Variants in AGAP1 observed in about 807,000 individuals in gnomAD.
The protein encoded by AGAP1 is arf-GAP with GTPase, ANK repeat and PH domain-containing protein 1.
A neutral mutation model predicts 105.3 loss-of-function variants in AGAP1; 29 were observed. That is an observed-to-expected ratio of 0.28 (90% CI 0.21 to 0.38). The LOEUF (loss-of-function observed/expected upper bound fraction) is 0.38. Ranked by LOEUF, AGAP1 falls within the 10% of genes least tolerant of loss-of-function variation. The probability of loss-of-function intolerance (pLI) is 1.00; values close to 1 mark genes in which losing one functional copy is unlikely to be tolerated. For synonymous variants in AGAP1, 509 were observed against 485.9 expected (o/e 1.05, Z -0.63); for missense variants, 998 against 1,165.1 (o/e 0.86, Z 2.09).
intron 1 of AGAP1, among the ~76,000 whole-genome samples, chr2:235,497,787 G>C (rs761846251): frequency 1.3e-5 from 2 of 152,110 alleles, no homozygotes; most frequent in African/African-American, 4.8e-5. Flanking sequence ...TAGTAGAGAC[G>C]GGGTTTCATT....
In AGAP1 at chr2:235,936,350, A is replaced by G. The variant is rs1017636879; in HGVS notation, c.1483+5427A>G. 5.9e-5 allele frequency among the ~76,000 whole-genome samples: 9 copies of G among 152,172 alleles called. No individual in the cohort carries two copies. Among genetic ancestry groups the G allele is most frequent in the Non-Finnish European group, 1.0e-4 (7 of 68,032 alleles). ...GGTCCCTGTTTCCTTCTGGCCACGT[A>G]ATCATTATATCTTTCCAGTAGACTC... On this transcript the variant is annotated intron_variant, in intron 12 of 17. Transcript: ENST00000304032. This position sits in a 1 kb window ranked among gnomAD's most constrained non-coding sequence, Gnocchi z 4.7.
intron 1 of AGAP1, among the ~76,000 whole-genome samples, chr2:235,514,782 G>A (rs1942310848): frequency 6.6e-6 from 1 of 152,260 alleles, no homozygotes; most frequent in African/African-American, 2.4e-5. Flanking sequence ...TCTCATCCAG[G>A]ACTGGACACG....
rs757923393 is a variant in AGAP1 at position 235,879,324 on chromosome 2, C to T, written c.1051-4021C>T. The stretch of plus-strand genomic sequence containing the variant: ...TAGACCACAGCCATGACATGGCAAG[C>T]GGGGCAGCCAAGTGGCTCTTGGTCG... On this transcript the variant is annotated intron_variant, in intron 9 of 17. Transcript: ENST00000304032. The surrounding 1 kb of genome is among the most constrained non-coding windows in gnomAD (Gnocchi z 5.0). Among the ~76,000 whole-genome samples the T allele has an allele frequency of 2.6e-5, 4 of 152,276 alleles. No homozygotes were observed. Among genetic ancestry groups the T allele is most frequent in the South Asian group, 2.1e-4 (1 of 4,812 alleles).
At chr2:236,033,155 G>A (rs893816667) in intron 13 of AGAP1, among the ~76,000 whole-genome samples, 1 of 152,168 alleles carries the variant, frequency 6.6e-6, no homozygotes, top group African/African-American at 2.4e-5. Flanking sequence ...TGAGGCAGGA[G>A]AATCGCTTGA....
chr2:235,848,107 C>CT lies in AGAP1; in HGVS notation c.1051-35237dup, dbSNP rs1961725652. Among the ~76,000 whole-genome samples the CT allele has an allele frequency of 2.6e-5, 4 of 152,328 alleles. No homozygotes were observed. In the South Asian group the frequency reaches 8.3e-4, roughly 32 times the overall value. On this transcript the variant is annotated intron_variant, in intron 9 of 17. Coordinates refer to ENST00000304032, the MANE Select transcript of AGAP1 (RefSeq NM_001037131.3). ...GGGAGTATCCCACCGGTTACACTCTCTGTCACTCGCCATCATCCTGAGGAT... is the reference window on the plus strand; with the variant it reads ...GGGAGTATCCCACCGGTTACACTCTCTTGTCACTCGCCATCATCCTGAGGAT...
At chr2:236,086,039 C>T (rs188912115) in intron 16 of AGAP1, among the ~76,000 whole-genome samples, 1 of 152,350 alleles carries the variant, frequency 6.6e-6, no homozygotes, top group Admixed American at 6.5e-5. Context: ...TTTAAAGCTG[C>T]CCTGATCTTC....
chr2:235,904,565 G>A lies in AGAP1; in HGVS notation c.1156-4173G>A, dbSNP rs1487687892. 6.6e-6 allele frequency among the ~76,000 whole-genome samples: 1 copy of A among 152,130 alleles called. No individual in the cohort carries two copies. Among genetic ancestry groups the A allele is most frequent in the Non-Finnish European group, 1.5e-5 (1 of 68,032 alleles). On this transcript the variant is annotated intron_variant, in intron 10 of 17. Transcript: ENST00000304032. The surrounding 1 kb of genome is among the most constrained non-coding windows in gnomAD (Gnocchi z 4.2). ...GTTTTTCCTCTTTTATCTTCGATCA[G>A]CATTTTCAACAAGGAACATGGAGAA...
chr2:235,554,574 G>A (rs1330378513), intron 1 of AGAP1, among the ~76,000 whole-genome samples: 1 of 152,236 alleles, frequency 6.6e-6, no homozygotes, highest in Non-Finnish European at 1.5e-5. Flanking sequence ...CCATTTACAC[G>A]CCTGTGGTTG....
Position 235,733,241 on chromosome 2 carries a change from C to T in AGAP1, c.311-7722C>T, listed in dbSNP as rs566239378. On this transcript the variant is annotated intron_variant, in intron 3 of 17. Transcript: ENST00000304032. This position sits in a 1 kb window ranked among gnomAD's most constrained non-coding sequence, Gnocchi z 5.0. Reference sequence around the variant, plus strand: ...GCAACACGGGCATCTTCTTTGCCTCCGGAGAGCCTTTGCCGGCCATTCACT... The same window carrying T: ...GCAACACGGGCATCTTCTTTGCCTCTGGAGAGCCTTTGCCGGCCATTCACT... Among the ~76,000 whole-genome samples, 14 of 152,290 alleles carry T rather than the reference C, an allele frequency of 9.2e-5. No individual in the cohort carries two copies. The South Asian group carries it at 1.2e-3, about 14-fold the overall frequency.
chr2:236,085,381 C>T (rs1332296995), intron 16 of AGAP1, among the ~76,000 whole-genome samples: 1 of 152,276 alleles, frequency 6.6e-6, no homozygotes, highest in African/African-American at 2.4e-5. Flanking sequence ...TCTCCCCAGC[C>T]GCCTGGAGGA....
Position 235,719,746 on chromosome 2 carries a change from C to A in AGAP1, c.310+2102C>A, listed in dbSNP as rs1369512446. Among the ~76,000 whole-genome samples the A allele has an allele frequency of 6.6e-6, 1 of 152,192 alleles. No homozygotes were observed. Among genetic ancestry groups the A allele is most frequent in the Non-Finnish European group, 1.5e-5 (1 of 68,046 alleles). On this transcript the variant is annotated intron_variant, in intron 3 of 17. Transcript: ENST00000304032. This position sits in a 1 kb window ranked among gnomAD's most constrained non-coding sequence, Gnocchi z 4.9. Reference sequence around the variant, plus strand: ...GACCTTTTCTCATGCCCTGCAGCAGCCCTCCCTGGGCATGTGGCCTCTCAC... The same window carrying A: ...GACCTTTTCTCATGCCCTGCAGCAGACCTCCCTGGGCATGTGGCCTCTCAC...
rs1171388817 is a variant in AGAP1, at chr2:235,919,184, C to G, written c.1324+10278C>G. On this transcript the variant is annotated intron_variant, in intron 11 of 17. Transcript: ENST00000304032. The surrounding 1 kb of genome is among the most constrained non-coding windows in gnomAD (Gnocchi z 4.1). ...CGCGCCCCCTCCACCAGGGAGCCAG[C>G]TGCCAGCCCCGGGGGCCAGTGAGAA... Among the ~76,000 whole-genome samples the G allele has an allele frequency of 6.6e-6, 1 of 152,154 alleles. No individual in the cohort carries two copies. Among genetic ancestry groups the G allele is most frequent in the African/African-American group, 2.4e-5 (1 of 41,430 alleles).
intron 9 of AGAP1, among the ~76,000 whole-genome samples, chr2:235,818,687 C>T (rs1213751481): frequency 1.3e-5 from 2 of 152,176 alleles, no homozygotes; most frequent in African/African-American, 4.8e-5. Context: ...AAGCAATTCT[C>T]CTGCCTCATC....
At position 236,000,410 on chromosome 2, in the gene AGAP1, A is replaced by G. The variant is rs535711458; in HGVS notation, c.1645+31787A>G. ...AATGGCATTGAGGACTTTCTGTACA[A>G]AAATCACTACGCGTGACAGCTCAAA... On this transcript the variant is annotated intron_variant, in intron 13 of 17. Coordinates refer to ENST00000304032, the MANE Select transcript of AGAP1 (RefSeq NM_001037131.3). This position sits in a 1 kb window ranked among gnomAD's most constrained non-coding sequence, Gnocchi z 4.3. Among the ~76,000 whole-genome samples the G allele has an allele frequency of 3.2e-4, 48 of 152,336 alleles. No homozygotes were observed. Among genetic ancestry groups the G allele is most frequent in the Admixed American group, 9.8e-4 (15 of 15,308 alleles).
chr2:235,542,098 C>T (rs1330026253), intron 1 of AGAP1, among the ~76,000 whole-genome samples: 1 of 152,222 alleles, frequency 6.6e-6, no homozygotes, highest in Non-Finnish European at 1.5e-5. Context: ...TTTGTGCAAA[C>T]AGGGTTATTG....
At position 236,119,407 on chromosome 2, in the gene AGAP1, C is replaced by G. The variant is rs1242374328; in HGVS notation, c.2115-785C>G. ...CCAAAAGCTGCATCTCCCTGCTAAA[C>G]CTCCTCATTGGAGTCTCCACCCTCT... On this transcript the variant is annotated intron_variant, in intron 16 of 17. Transcript: ENST00000304032. This position sits in a 1 kb window ranked among gnomAD's most constrained non-coding sequence, Gnocchi z 6.6. 2.0e-5 allele frequency among the ~76,000 whole-genome samples: 3 copies of G among 152,210 alleles called. No homozygotes were observed. The East Asian group carries it at 5.8e-4, about 29-fold the overall frequency.
At chr2:235,667,959 CAAAAAAA>C (rs142657060) in intron 1 of AGAP1, among the ~76,000 whole-genome samples, 36 of 61,956 alleles carry the variant, frequency 5.8e-4, no homozygotes, top group African/African-American at 2.1e-3. Flanking sequence ...GCCTCTGTCT[CAAAAAAA>C]AAAAAAAAAA....
intron 9 of AGAP1, among the ~76,000 whole-genome samples, chr2:235,811,223 C>T (rs778778232): frequency 5.3e-5 from 8 of 152,288 alleles, no homozygotes; most frequent in East Asian, 3.9e-4. Context: ...TGGCCTCCTC[C>T]GTGCCCTTCG....
intron 11 of AGAP1, among the ~76,000 whole-genome samples, chr2:235,926,529 A>G (rs987424595): frequency 6.6e-6 from 1 of 152,222 alleles, no homozygotes; most frequent in Admixed American, 6.5e-5. Flanking sequence ...CCCAGAAACA[A>G]TATTTCTGAC....
Sources: gnomAD v4.1 joint callset for allele counts (sites outside exome capture counted in the v4.1 genomes callset) on GRCh38, gnomAD v4.1.1 for gene constraint, Gnocchi (gnomAD v3.1) non-coding constraint, MANE v1.5 for transcripts, NCBI Gene and HGNC (gene_info 2026-07-23, HGNC 2026-07-21) for gene names.